The following PCDH11Y variants were observed in gnomAD, a reference collection of about 807,000 sequenced individuals.
The protein encoded by PCDH11Y is protocadherin 11 Y-linked.
For synonymous variants in PCDH11Y, 9 were observed against 83.6 expected (o/e 0.11, Z 4.87); for missense variants, 12 against 224.8 (o/e 0.05, Z 6.05).
At chrY:5,483,643 T>C (rs2053329128) in intron 2 of PCDH11Y, among the ~76,000 whole-genome samples, 1 of 32,461 alleles carries the variant, frequency 3.1e-5, no homozygotes, top group Non-Finnish European at 7.5e-5. Flanking sequence ...CCAGAATCCA[T>C]GTAGGACAGT....
intron 4 of PCDH11Y, among the ~76,000 whole-genome samples, chrY:5,682,737 G>A: frequency 3.1e-5 from 1 of 32,201 alleles, no homozygotes; most frequent in Admixed American, 2.9e-4. Flanking sequence ...AGAAAAGAGT[G>A]ACATCACATA....
intron 2 of PCDH11Y, among the ~76,000 whole-genome samples, chrY:5,167,517 T>TG (rs2052881048): frequency 7.0e-5 from 1 of 14,297 alleles, no homozygotes; most frequent in Non-Finnish European, 1.5e-4. Context: ...ATCTCTTGGA[T>TG]TGTGTGTGTG....
At chrY:5,050,574 T>C (rs2052650003) in intron 3 of PCDH11Y, among the ~76,000 whole-genome samples, 1 of 32,888 alleles carries the variant, frequency 3.0e-5, no homozygotes, top group Non-Finnish European at 7.5e-5. Flanking sequence ...GTGCAATCAA[T>C]AGTAAAATAT....
intron 4 of PCDH11Y, among the ~76,000 whole-genome samples, chrY:5,586,811 G>A (rs2053456735): frequency 3.1e-5 from 1 of 32,276 alleles, no homozygotes; most frequent in Non-Finnish European, 7.7e-5. Context: ...GTTTTATTCA[G>A]GTCTTCTCTC....
At chrY:5,598,006 T>G in intron 4 of PCDH11Y, among the ~76,000 whole-genome samples, 1 of 31,982 alleles carries the variant, frequency 3.1e-5, no homozygotes, top group Non-Finnish European at 7.6e-5. Flanking sequence ...GAGTATAAAT[T>G]AAGACTTTAG....
chrY:5,620,860 A>T, intron 4 of PCDH11Y, among the ~76,000 whole-genome samples: 2 of 33,401 alleles, frequency 6.0e-5, no homozygotes, highest in Non-Finnish European at 1.5e-4. Context: ...TTTATGTTTA[A>T]AACTCTAGAT....
chrY:5,690,263 G>T (rs2053566829), intron 4 of PCDH11Y, among the ~76,000 whole-genome samples: 48 of 33,406 alleles, frequency 1.4e-3, no homozygotes, highest in African/African-American at 5.6e-3. Context: ...TGATGACAGA[G>T]CTAACTGAAA....
At chrY:5,395,600 A>C in intron 2 of PCDH11Y, among the ~76,000 whole-genome samples, 1 of 32,866 alleles carries the variant, frequency 3.0e-5, no homozygotes, top group East Asian at 7.9e-4. Flanking sequence ...ATTGGAAAAG[A>C]ATGAGAAAAT....
intron 3 of PCDH11Y, among the ~76,000 whole-genome samples, chrY:5,038,861 T>C: frequency 3.7e-5 from 1 of 27,116 alleles, no homozygotes; most frequent in Non-Finnish European, 8.7e-5. Context: ...TATTTAATTT[T>C]ATACCTTTTT....
chrY:5,715,644 G>C, intron 4 of PCDH11Y, among the ~76,000 whole-genome samples: 1 of 29,487 alleles, frequency 3.4e-5, no homozygotes, highest in Non-Finnish European at 8.2e-5. Flanking sequence ...GGATATAAAA[G>C]CCCAAGACCT....
chrY:5,413,840 A>G, intron 2 of PCDH11Y, among the ~76,000 whole-genome samples: 1 of 33,037 alleles, frequency 3.0e-5, no homozygotes, highest in Non-Finnish European at 7.4e-5. Context: ...GTATGTGTCA[A>G]ACAAGTTATC....
intron 4 of PCDH11Y, among the ~76,000 whole-genome samples, chrY:5,736,520 G>GAATC (rs2053609580): frequency 6.3e-5 from 2 of 31,805 alleles, no homozygotes; most frequent in East Asian, 1.6e-3. Flanking sequence ...TTGCTCTCAA[G>GAATC]TAAACTTTAT....
intron 2 of PCDH11Y, among the ~76,000 whole-genome samples, chrY:5,461,904 A>G (rs2053304004): frequency 3.0e-5 from 1 of 33,484 alleles, no homozygotes; most frequent in Non-Finnish European, 7.4e-5. Context: ...TCTATATTGT[A>G]GTATATACAT....
intron 2 of PCDH11Y, among the ~76,000 whole-genome samples, chrY:5,483,849 G>A: frequency 6.3e-5 from 2 of 31,999 alleles, no homozygotes; most frequent in African/African-American, 2.5e-4. Flanking sequence ...ATTTTACCCT[G>A]TTTTGAAGAA....
At chrY:5,105,158 C>T, downstream of PCDH11Y, 1 of 115,197 alleles carries the variant, frequency 8.7e-6, no homozygotes, top group Non-Finnish European at 1.1e-5. Flanking sequence ...AGGAGAATGG[C>T]GTGAACCCGG....
At chrY:5,326,839 T>G (rs2053121498) in intron 2 of PCDH11Y, among the ~76,000 whole-genome samples, 1 of 32,942 alleles carries the variant, frequency 3.0e-5, no homozygotes, top group African/African-American at 1.2e-4. Context: ...TTGTGATTTT[T>G]AGGGCCTCTA....
At chrY:5,142,577 G>T in intron 2 of PCDH11Y, among the ~76,000 whole-genome samples, 4 of 33,058 alleles carry the variant, frequency 1.2e-4, no homozygotes, top group African/African-American at 4.7e-4. Flanking sequence ...AATTCAGTAG[G>T]GATCTGTAAT....
intron 1 of PCDH11Y, among the ~76,000 whole-genome samples, chrY:5,083,443 C>T: frequency 6.2e-5 from 2 of 32,466 alleles, no homozygotes; most frequent in African/African-American, 2.4e-4. Flanking sequence ...CGCCACTCAT[C>T]TTGGCCCCGC....
chrY:5,678,682 T>G, intron 4 of PCDH11Y, among the ~76,000 whole-genome samples: 1 of 32,704 alleles, frequency 3.1e-5, no homozygotes, highest in Non-Finnish European at 7.5e-5. Context: ...GAACCAAAAT[T>G]TAAGTGAGCA....
Sources: allele counts gnomAD v4.1 joint callset (sites outside exome capture counted in the v4.1 genomes callset), GRCh38; gene constraint gnomAD v4.1.1; transcripts MANE v1.5; gene names NCBI Gene and HGNC (gene_info 2026-07-23, HGNC 2026-07-21).